IFNLR1: variants seen among roughly 807,000 people sequenced by gnomAD.
IFNLR1 encodes interferon lambda receptor 1.
IFNLR1 carries 28 observed loss-of-function variants against 52.5 expected under a neutral mutation model. That is an observed-to-expected ratio of 0.53 (90% CI 0.40 to 0.73). The LOEUF (loss-of-function observed/expected upper bound fraction) is 0.73, where lower values mean the gene tolerates loss of function less well. Ranked by LOEUF, IFNLR1 falls within the 30% of genes least tolerant of loss-of-function variation. The probability of loss-of-function intolerance (pLI) is 0.00; values close to 1 mark genes in which losing one functional copy is unlikely to be tolerated. For synonymous variants in IFNLR1, 276 were observed against 274.9 expected, an observed-to-expected ratio of 1.00 and a Z score of -0.04; for missense variants, 623 against 659.1, an observed-to-expected ratio of 0.95 and a Z score of 0.60.
rs1239666226 is a variant in IFNLR1, at chr1:24,169,461, T to G, written c.323A>C (p.Lys108Thr). Residue 108 changes from lysine (K) to threonine (T), a missense_variant, in exon 3 of 7, where the codon AAG becomes ACG. Transcript: ENST00000327535. Reference sequence around the variant, plus strand: ...GTATTCGGACTCCACCCAGGGGGACTTGGAGCTGGGAGAAACCGTCCGCAC... The same window carrying G: ...GTATTCGGACTCCACCCAGGGGGACGTGGAGCTGGGAGAAACCGTCCGCAC... ...GRVRTVSPSS[K>T]SPWVESEYLD... The G allele has an allele frequency of 1.9e-6, 3 of 1,614,108 alleles. No homozygotes were observed. Among genetic ancestry groups the G allele is most frequent in the Non-Finnish European group, 2.5e-6 (3 of 1,180,046 alleles).
chr1:24,164,759 CTTTTTT>C (rs61550265), intron 3 of IFNLR1, among the ~76,000 whole-genome samples: 11 of 140,554 alleles, frequency 7.8e-5, no homozygotes, highest in Non-Finnish European at 1.4e-4. Flanking sequence ...GGAGCAATCT[CTTTTTT>C]TTTTTTTTTT....
chr1:24,177,281 C>T (rs933233447), intron 2 of IFNLR1, among the ~76,000 whole-genome samples: 7 of 152,220 alleles, frequency 4.6e-5, no homozygotes, highest in South Asian at 2.1e-4. Flanking sequence ...CACGATAGGC[C>T]GTCAGCAAGG....
chr1:24,175,934 C>CA (rs10713683), intron 2 of IFNLR1, among the ~76,000 whole-genome samples: 1,188 of 91,868 alleles, frequency 0.013, 14 homozygotes, highest in African/African-American at 0.03. Flanking sequence ...AACTCTGTTT[C>CA]AAAAAAAAAA....
intron 2 of IFNLR1, among the ~76,000 whole-genome samples, chr1:24,176,367 T>A (rs1644632720): frequency 6.6e-6 from 1 of 152,232 alleles, no homozygotes; most frequent in Non-Finnish European, 1.5e-5. Flanking sequence ...GAGGGAACTT[T>A]CTGGGGTGAT....
chr1:24,169,968 G>A (rs1469640489), intron 2 of IFNLR1, among the ~76,000 whole-genome samples: 1 of 152,188 alleles, frequency 6.6e-6, no homozygotes, highest in Non-Finnish European at 1.5e-5. Flanking sequence ...GCGTTTATGG[G>A]CCACCTGCTG....
In IFNLR1 at chr1:24,161,220, T is replaced by C. The variant is rs572726197; in HGVS notation, c.510+322A>G. On this transcript the variant is annotated intron_variant, in intron 4 of 6. Coordinates refer to ENST00000327535, the MANE Select transcript of IFNLR1 (RefSeq NM_170743.4). Reference sequence around the variant, plus strand: ...ATAAATAAATGCAGCTATACACACATGCATACACAGAAAACAAATCTGAAA... The same window carrying C: ...ATAAATAAATGCAGCTATACACACACGCATACACAGAAAACAAATCTGAAA... 2.0e-5 allele frequency among the ~76,000 whole-genome samples: 3 copies of C among 152,344 alleles called. No homozygotes were observed. The South Asian group carries it at 6.2e-4, about 32-fold the overall frequency.
In IFNLR1 at chr1:24,157,706, CTCCTCCTCTTCG is replaced by C; in HGVS notation, c.975_986del (p.Asp325_Glu328del). The C allele has an allele frequency of 3.1e-6, 5 of 1,614,038 alleles. No individual in the cohort carries two copies. Among genetic ancestry groups the C allele is most frequent in the Non-Finnish European group, 4.2e-6 (5 of 1,179,946 alleles). On this transcript the variant is annotated inframe_deletion, in exon 7 of 7. Coordinates refer to ENST00000327535, the MANE Select transcript of IFNLR1 (RefSeq NM_170743.4). The surrounding 1 kb of genome is among the most constrained non-coding windows in gnomAD (Gnocchi z 5.1). The stretch of plus-strand genomic sequence containing the variant: ...CGCCATCTTCTGTGTCCTCCTCATC[CTCCTCCTCTTCG>C]TCCTCTGCAAGGTCCTTCTTCCATC...
chr1:24,182,994 GA>G, intron 1 of IFNLR1, among the ~76,000 whole-genome samples: 1 of 152,238 alleles, frequency 6.6e-6, no homozygotes, highest in African/African-American at 2.4e-5. Flanking sequence ...GTTGGTTTAA[GA>G]AAATATCTGA....
At chr1:24,172,858 A>G (rs1331786155) in intron 2 of IFNLR1, among the ~76,000 whole-genome samples, 1 of 152,094 alleles carries the variant, frequency 6.6e-6, no homozygotes, top group African/African-American at 2.4e-5. Flanking sequence ...TGGCTTGCAG[A>G]TGGCCGTCAT....
intron 2 of IFNLR1, among the ~76,000 whole-genome samples, chr1:24,174,300 G>A (rs1186885633): frequency 1.3e-5 from 2 of 152,276 alleles, no homozygotes; most frequent in African/African-American, 2.4e-5. Context: ...CCAGACTGTC[G>A]TACTTTGTTA....
chr1:24,158,858 C>T lies in IFNLR1; in HGVS notation c.801+194G>A, dbSNP rs1644409123. On this transcript the variant is annotated intron_variant, in intron 6 of 6. Transcript: ENST00000327535. ...AAGGAACTTAAGGCACTGCTCCCTC[C>T]AGGGCCTGTTTGCCATTTTATTCAG... The T allele has an allele frequency of 4.6e-6, 3 of 651,178 alleles. No homozygotes were observed. In the Admixed American group the frequency reaches 8.2e-5, roughly 18 times the overall value. The allele number at this position is 651,178 out of a possible 1,614,324, so 40.3% of individuals were successfully genotyped here. A position where few individuals can be genotyped will look rare whatever the true frequency, so the allele number is the denominator to read the frequency against.
intron 4 of IFNLR1, 40 bp downstream of exon 4, chr1:24,161,502 G>A (rs1644442419): frequency 6.4e-7 from 1 of 1,552,240 alleles, no homozygotes; most frequent in Non-Finnish European, 8.7e-7. Context: ...AAGGGGTGGA[G>A]GAGCGGGCCT....
At chr1:24,162,886 TCC>T (rs1644475628) in intron 3 of IFNLR1, among the ~76,000 whole-genome samples, 1 of 65,114 alleles carries the variant, frequency 1.5e-5, no homozygotes. Flanking sequence ...TTTCCTTCCT[TCC>T]TTCCTTCCTT....
At chr1:24,185,766 G>A (rs914416908) in intron 1 of IFNLR1, among the ~76,000 whole-genome samples, 1 of 152,178 alleles carries the variant, frequency 6.6e-6, no homozygotes, top group African/African-American at 2.4e-5. Flanking sequence ...GGTCACATGA[G>A]AAAAACAGCA....
chr1:24,158,448 C>G (rs1557641046), intron 6 of IFNLR1, among the ~76,000 whole-genome samples: 1 of 152,214 alleles, frequency 6.6e-6, no homozygotes. Context: ...GAAATGCTCC[C>G]TTTGCCACCC....
At position 24,171,356 on chromosome 1, in the gene IFNLR1, A is replaced by G. The variant is rs1644577606; in HGVS notation, c.183-1755T>C. Among the ~76,000 whole-genome samples the G allele has an allele frequency of 2.6e-5, 4 of 152,410 alleles. No individual in the cohort carries two copies. The South Asian group carries it at 8.3e-4, about 32-fold the overall frequency. ...TGGTTGAACCACATGTGAACTATTA[A>G]CAAAATATTAACACAAAGCAATTCT... On this transcript the variant is annotated intron_variant, in intron 2 of 6. Coordinates refer to ENST00000327535, the MANE Select transcript of IFNLR1 (RefSeq NM_170743.4).
At chr1:24,161,223 A>G (rs1197252592) in intron 4 of IFNLR1, among the ~76,000 whole-genome samples, 1 of 152,226 alleles carries the variant, frequency 6.6e-6, no homozygotes, top group African/African-American at 2.4e-5. Context: ...ACACACATGC[A>G]TACACAGAAA....
At position 24,179,690 on chromosome 1, in the gene IFNLR1, G is replaced by A. The variant is rs140435118; in HGVS notation, c.182+1041C>T. Among the ~76,000 whole-genome samples, 10 of 152,298 alleles carry A rather than the reference G, an allele frequency of 6.6e-5. No homozygotes were observed. In the East Asian group the frequency reaches 1.7e-3, roughly 27 times the overall value. Reference sequence around the variant, plus strand: ...CTCAATCCCCTCACCTCTAGAATGGGGAAAACACAGAGCCTGCCTGGTCAC... The same window carrying A: ...CTCAATCCCCTCACCTCTAGAATGGAGAAAACACAGAGCCTGCCTGGTCAC... On this transcript the variant is annotated intron_variant, in intron 2 of 6. Transcript: ENST00000327535.
intron 5 of IFNLR1, 88 bp from the exon 6 acceptor site, chr1:24,159,270 T>C: frequency 6.7e-7 from 1 of 1,482,340 alleles, no homozygotes; most frequent in Non-Finnish European, 9.3e-7. Flanking sequence ...TACATGACCC[T>C]ATTTAATCCT....
Sources: allele counts gnomAD v4.1 joint callset (sites outside exome capture counted in the v4.1 genomes callset), GRCh38; gene constraint gnomAD v4.1.1; non-coding constraint Gnocchi (gnomAD v3.1); transcripts MANE v1.5; gene names NCBI Gene and HGNC (gene_info 2026-07-23, HGNC 2026-07-21).